TSPAN1: variants seen among roughly 807,000 people sequenced by gnomAD.
TSPAN1 encodes tetraspanin-1.
Under a neutral mutation model 26.9 loss-of-function variants are expected in TSPAN1, and 23 were observed. The ratio of observed to expected loss-of-function variants is 0.85; its 90% CI spans 0.62 to 1.21. TSPAN1 has a LOEUF of 1.21. Ranked by LOEUF, TSPAN1 falls within the 50% of genes most tolerant of loss-of-function variation. TSPAN1 has a pLI of 0.00. For synonymous variants in TSPAN1, 115 were observed against 114.8 expected (o/e 1.00, Z -0.01); for missense variants, 283 against 298.4 (o/e 0.95, Z 0.38).
At chr1:46,192,884 T>C in the TSPAN1 span, 1 of 1,614,064 alleles carries the variant, frequency 6.2e-7, no homozygotes, top group Non-Finnish European at 8.5e-7. Context: ...AACTGAAACC[T>C]AGAGACTCCC....
chr1:46,189,019 T>C, downstream of TSPAN1: 1 of 1,584,258 alleles, frequency 6.3e-7, no homozygotes, highest in Non-Finnish European at 8.6e-7. Flanking sequence ...GATGAGCTGC[T>C]AGGGATCGTA....
downstream of TSPAN1, chr1:46,188,693 T>C (rs1243174793): frequency 6.3e-7 from 1 of 1,595,350 alleles, no homozygotes; most frequent in Admixed American, 1.7e-5. Flanking sequence ...CCCAGAGGGC[T>C]TCTCCTTTTT....
At chr1:46,181,582 A>G (rs1657316813) in intron 3 of TSPAN1, among the ~76,000 whole-genome samples, 1 of 152,338 alleles carries the variant, frequency 6.6e-6, no homozygotes, top group South Asian at 2.1e-4. Context: ...AGCTGAAAGG[A>G]GGGAGGGCCT....
chr1:46,192,946 C>T, the TSPAN1 span: 7 of 1,614,208 alleles, frequency 4.3e-6, no homozygotes, highest in Non-Finnish European at 5.1e-6. Flanking sequence ...AGAACCACAG[C>T]AAACTTGGCC....
the TSPAN1 span, chr1:46,194,855 C>T: frequency 6.2e-7 from 1 of 1,614,196 alleles, no homozygotes. Flanking sequence ...TCCTTTTCGT[C>T]CCACGAAGGC....
At chr1:46,189,854 C>T, downstream of TSPAN1, 1 of 1,613,816 alleles carries the variant, frequency 6.2e-7, no homozygotes, top group South Asian at 1.1e-5. Flanking sequence ...ATTGGAGCAC[C>T]TTGGCAAGCT....
At chr1:46,190,944 C>A, downstream of TSPAN1, 1 of 715,080 alleles carries the variant, frequency 1.4e-6, no homozygotes. Flanking sequence ...GCAGCATCCT[C>A]AGCAAGCTCT....
the TSPAN1 span, chr1:46,192,291 C>T: frequency 3.0e-5 from 48 of 1,614,150 alleles, no homozygotes; most frequent in Non-Finnish European, 4.1e-5. Flanking sequence ...GCCCCCTCAC[C>T]CTACCCTGAC....
At chr1:46,183,819 G>A in intron 3 of TSPAN1, 1 of 347,946 alleles carries the variant, frequency 2.9e-6, no homozygotes, top group South Asian at 2.7e-5. Flanking sequence ...GGACAGAGGT[G>A]TTCTAGGCAC....
chr1:46,180,191 G>T (rs918874276), intron 1 of TSPAN1, among the ~76,000 whole-genome samples: 4 of 152,268 alleles, frequency 2.6e-5, no homozygotes, highest in African/African-American at 9.6e-5. Flanking sequence ...ATGGATGGCA[G>T]CATGAGCAGA....
At chr1:46,193,935 A>G in the TSPAN1 span, 6 of 1,613,966 alleles carry the variant, frequency 3.7e-6, no homozygotes, top group Non-Finnish European at 5.1e-6. Context: ...GCTGTGGGAG[A>G]AATAGCGTTT....
chr1:46,182,308 A>AAAAAAAAAAAAAAAAAAAAAAAG, intron 3 of TSPAN1, among the ~76,000 whole-genome samples: 1 of 141,164 alleles, frequency 7.1e-6, no homozygotes, highest in Admixed American at 7.3e-5. Flanking sequence ...GATAAGCAAA[A>AAAAAAAAAAAAAAAAAAAAAAAG]AAAAAAAAAG....
chr1:46,184,601 T>C lies in TSPAN1; in HGVS notation c.272T>C (p.Phe91Ser), dbSNP rs547242884. 104 of 1,614,196 alleles carry C rather than the reference T, an allele frequency of 6.4e-5. No individual in the cohort carries two copies. The South Asian group carries it at 1.0e-3, about 16-fold the overall frequency. Residue 91 changes from phenylalanine to serine, a missense_variant, in exon 5 of 9, where the codon TTC (phenylalanine) becomes TCC (serine). Coordinates refer to ENST00000372003, the MANE Select transcript of TSPAN1 (RefSeq NM_005727.4). ...ESKCALVTFFFILLLIFIAEV... is the reference protein window; with the variant it reads ...ESKCALVTFFSILLLIFIAEV... ...CCCCTGTTCCCCACTCAGTTCTTCT[T>C]CATCCTCCTCCTCATCTTCATTGCT...
Position 46,184,805 on chromosome 1 carries a change from G to A in TSPAN1, c.360G>A (p.Leu120=), listed in dbSNP as rs781635698. ...CCCAGGCTGAGCACTTCCTGACGTT[G>A]CTGGTAGTGCCTGCCATCAAGAAAG... The part of the protein sequence containing the change: ...YTTMAEHFLT[L]LVVPAIKKDY... The change falls in exon 6 of 9, where the codon TTG becomes TTA. Residue 120 remains leucine, a synonymous_variant. Coordinates refer to ENST00000372003, the MANE Select transcript of TSPAN1 (RefSeq NM_005727.4). 20 of 1,614,162 alleles carry A rather than the reference G, an allele frequency of 1.2e-5. No individual in the cohort carries two copies. In the South Asian group the frequency reaches 2.2e-4, roughly 18 times the overall value.
chr1:46,186,917 C>A (rs556891455), downstream of TSPAN1, among the ~76,000 whole-genome samples: 3 of 152,184 alleles, frequency 2.0e-5, no homozygotes, highest in Non-Finnish European at 4.4e-5. Context: ...TCACCTCGGC[C>A]TCCCAAAGTG....
downstream of TSPAN1, among the ~76,000 whole-genome samples, chr1:46,187,587 C>T (rs920360633): frequency 2.0e-5 from 3 of 152,120 alleles, no homozygotes; most frequent in Non-Finnish European, 2.9e-5. Flanking sequence ...TGCTAGGGTG[C>T]GGGACAGGGG....
the TSPAN1 span, among the ~76,000 whole-genome samples, chr1:46,196,392 G>A: frequency 5.3e-5 from 8 of 152,202 alleles, no homozygotes; most frequent in Admixed American, 3.3e-4. This position sits in a 1 kb window ranked among gnomAD's most constrained non-coding sequence, Gnocchi z 4.4. Flanking sequence ...GTAGGGCCAG[G>A]TCTGATTACT....
At chr1:46,178,595 G>A (rs1402715900) in intron 1 of TSPAN1, among the ~76,000 whole-genome samples, 1 of 152,012 alleles carries the variant, frequency 6.6e-6, no homozygotes, top group Admixed American at 6.5e-5. Flanking sequence ...CCAACTTCTA[G>A]CAACTGTAAC....
chr1:46,188,923 C>T (rs746679629), downstream of TSPAN1: 109 of 1,612,674 alleles, frequency 6.8e-5, no homozygotes, highest in Middle Eastern at 1.7e-4. Flanking sequence ...CCTCCAGGTT[C>T]GGCCTGTTTT....
Sources: allele counts gnomAD v4.1 joint callset (sites outside exome capture counted in the v4.1 genomes callset), GRCh38; gene constraint gnomAD v4.1.1; non-coding constraint Gnocchi (gnomAD v3.1); transcripts MANE v1.5; gene names NCBI Gene and HGNC (gene_info 2026-07-23, HGNC 2026-07-21).